The following ATP2B3 variants were observed in gnomAD, a reference collection of about 807,000 sequenced individuals.
ATP2B3 encodes the protein ATPase plasma membrane Ca2+ transporting 3.
A neutral mutation model predicts 70.8 loss-of-function variants in ATP2B3; 12 were observed. The ratio of observed to expected loss-of-function variants is 0.17; its 90% CI spans 0.11 to 0.27. The LOEUF (loss-of-function observed/expected upper bound fraction) is 0.27, where lower values mean the gene tolerates loss of function less well. Ranked by LOEUF, ATP2B3 falls within the 10% of genes least tolerant of loss-of-function variation. The pLI is 1.00. For synonymous variants in ATP2B3, 460 were observed against 497.8 expected (o/e 0.92, Z 1.01); for missense variants, 858 against 1,118.5 (o/e 0.77, Z 3.32).
intron 20 of ATP2B3, among the ~76,000 whole-genome samples, chrX:153,563,864 CTG>C (rs1557017193): frequency 8.9e-6 from 1 of 112,840 alleles, no homozygotes; most frequent in African/African-American, 3.2e-5. Flanking sequence ...AAGGGAATCT[CTG>C]TGAACCAGTC....
Position 153,580,466 on chromosome X carries a change from A to C in ATP2B3, c.*168A>C, listed in dbSNP as rs2090910465. On this transcript the variant is annotated 3_prime_UTR_variant, in exon 22 of 22. Coordinates refer to ENST00000263519, the MANE Select transcript of ATP2B3 (RefSeq NM_001001344.3). Reference sequence around the variant, plus strand: ...AGGGCATTTGCAAGGACCCAAATCCATTCAACAAGGGTGCAGCCTGCCACA... The same window carrying C: ...AGGGCATTTGCAAGGACCCAAATCCCTTCAACAAGGGTGCAGCCTGCCACA... 4 of 478,689 alleles carry C rather than the reference A, an allele frequency of 8.4e-6. No individual in the cohort carries two copies. The highest frequency in any genetic ancestry group is 1.4e-5 in the Non-Finnish European group (4 of 293,272). 39.4% of individuals were successfully genotyped at this position (478,689 alleles called of 1,213,427 possible). A position where few individuals can be genotyped will look rare whatever the true frequency, so the allele number is the denominator to read the frequency against.
Position 153,581,424 on chromosome X carries a change from T to A in ATP2B3, c.*1126T>A, listed in dbSNP as rs2090921314. On this transcript the variant is annotated 3_prime_UTR_variant, in exon 22 of 22. Coordinates refer to ENST00000263519, the MANE Select transcript of ATP2B3 (RefSeq NM_001001344.3). ...TCCTACTCCAATTCCACATCCTTCA[T>A]CCTGGCCATGCCCCCACCTTCAAGA... 8.9e-6 allele frequency: 1 copy of A among 112,816 alleles called. No homozygotes were observed. Among genetic ancestry groups the A allele is most frequent in the East Asian group, 2.8e-4 (1 of 3,590 alleles). 9.3% of individuals were successfully genotyped at this position (112,816 alleles called of 1,213,427 possible). A position where few individuals can be genotyped will look rare whatever the true frequency, so the allele number is the denominator to read the frequency against.
chrX:153,559,006 G>A (rs1241405638), intron 17 of ATP2B3, among the ~76,000 whole-genome samples: 1 of 106,835 alleles, frequency 9.4e-6, no homozygotes, highest in Non-Finnish European at 1.9e-5. Flanking sequence ...TAAATTGCCT[G>A]CTGATCAACT....
chrX:153,579,410 G>T (rs1186970748), intron 21 of ATP2B3, among the ~76,000 whole-genome samples: 1 of 112,920 alleles, frequency 8.9e-6, no homozygotes, highest in African/African-American at 3.2e-5. Flanking sequence ...ATGCGAGAAA[G>T]GCCGGCAGTG....
rs1224464353 is a variant in ATP2B3 at position 153,564,921 on chromosome X, G to A, written c.3160G>A (p.Val1054Ile). Residue 1054 changes from valine to isoleucine, a missense_variant and splice_region_variant, in exon 21 of 22, where the codon GTC (valine) becomes ATC (isoleucine). Transcript: ENST00000263519. ...GGCCACTTCCGTGTGGCTCCCCCAG[G>A]TCATTGCCACCATCCCCACCAGCCA... is the stretch of plus-strand genomic sequence containing the variant. ...VGVGELVWGQ[V>I]IATIPTSQLK... 3.4e-6 allele frequency: 4 copies of A among 1,182,697 alleles called. No homozygotes were observed. In the South Asian group the frequency reaches 5.6e-5, roughly 17 times the overall value.
rs782562326 is a variant in ATP2B3, at chrX:153,538,242, G to A, written c.208+1787G>A. Among the ~76,000 whole-genome samples the A allele has an allele frequency of 8.4e-3, 954 of 113,115 alleles. 4 individuals are homozygous for A. Among genetic ancestry groups the A allele is most frequent in the Non-Finnish European group, 0.012 (646 of 53,254 alleles). On this transcript the variant is annotated intron_variant, in intron 3 of 21. Coordinates refer to ENST00000263519, the MANE Select transcript of ATP2B3 (RefSeq NM_001001344.3). ...CCTCAGACACAAGGGCCTGAGCCAC[G>A]GGGGCAGCTGGCTTTGTTGTGCCCC...
At chrX:153,569,484 T>G in intron 21 of ATP2B3, 1 of 852,273 alleles carries the variant, frequency 1.2e-6, no homozygotes, top group Non-Finnish European at 1.7e-6. Context: ...GGTGACCCGA[T>G]GAGGCTTTGC....
chrX:153,518,718 T>C (rs1180951096), intron 2 of ATP2B3, among the ~76,000 whole-genome samples, 167 bp downstream of exon 2: 1 of 111,059 alleles, frequency 9.0e-6, no homozygotes, highest in Non-Finnish European at 1.9e-5. Flanking sequence ...GGAGGGAGTC[T>C]TGGAGAGCCC....
At chrX:153,550,978 T>C (rs2090448821) in intron 12 of ATP2B3, among the ~76,000 whole-genome samples, 1 of 112,087 alleles carries the variant, frequency 8.9e-6, no homozygotes, top group African/African-American at 3.3e-5. Flanking sequence ...CCTTCATCTG[T>C]CTACCAGCAC....
At chrX:153,559,971 C>T (rs781882815) in intron 18 of ATP2B3, 29 bp downstream of exon 18, 1 of 1,177,981 alleles carries the variant, frequency 8.5e-7, no homozygotes, top group Non-Finnish European at 1.2e-6. Context: ...CCCGGGAGGA[C>T]TTCAGGACAC....
intron 16 of ATP2B3, among the ~76,000 whole-genome samples, chrX:153,557,713 C>T (rs782407872): frequency 1.8e-5 from 2 of 111,719 alleles, no homozygotes; most frequent in South Asian, 3.8e-4. Flanking sequence ...GGAGCCGCCC[C>T]GCCCAGGGTG....
intron 18 of ATP2B3, among the ~76,000 whole-genome samples, 163 bp downstream of exon 18, chrX:153,560,105 CA>C (rs2090602797): frequency 8.9e-6 from 1 of 111,840 alleles, no homozygotes; most frequent in Non-Finnish European, 1.9e-5. Context: ...GCAGATGGGC[CA>C]GGCTAGCAAC....
intron 8 of ATP2B3, among the ~76,000 whole-genome samples, chrX:153,546,571 C>T (rs1208786194): frequency 8.8e-6 from 1 of 113,278 alleles, no homozygotes; most frequent in Non-Finnish European, 1.9e-5. Flanking sequence ...GGCCAGAGGC[C>T]CGGCTCTCCT....
At position 153,564,763 on chromosome X, in the gene ATP2B3, G is replaced by C. The variant is rs954132799; in HGVS notation, c.3160-158G>C. On this transcript the variant is annotated intron_variant, in intron 20 of 21. Coordinates refer to ENST00000263519, the MANE Select transcript of ATP2B3 (RefSeq NM_001001344.3). ...AGTTCTCCAAGGGCTGCCAGTTCCC[G>C]GGGGGACTGCTCTAGCTTTACTCCC... 2.6e-5 allele frequency among the ~76,000 whole-genome samples: 3 copies of C among 113,307 alleles called. No individual in the cohort carries two copies. The Admixed American group carries it at 2.8e-4, about 10-fold the overall frequency.
intron 3 of ATP2B3, among the ~76,000 whole-genome samples, chrX:153,539,111 T>C (rs1186647142): frequency 1.8e-5 from 2 of 111,893 alleles, no homozygotes; most frequent in African/African-American, 6.5e-5. Context: ...CTTAAGTCAC[T>C]TGGGGGGTCT....
chrX:153,538,205 C>A (rs192122228), intron 3 of ATP2B3, among the ~76,000 whole-genome samples: 120 of 113,156 alleles, frequency 1.1e-3, no homozygotes, highest in Middle Eastern at 4.6e-3. Flanking sequence ...GACCTGCCTG[C>A]CCCTCAGTCC....
chrX:153,523,108 A>G (rs1556998398), intron 2 of ATP2B3, among the ~76,000 whole-genome samples: 1 of 111,688 alleles, frequency 9.0e-6, no homozygotes, highest in African/African-American at 3.3e-5. Context: ...TCACATAAGC[A>G]TTTTCTTTAT....
At chrX:153,549,783 C>T in intron 11 of ATP2B3, 44 bp downstream of exon 11, 2 of 1,182,232 alleles carry the variant, frequency 1.7e-6, no homozygotes, top group Non-Finnish European at 2.3e-6. Context: ...GGGGCAGGAG[C>T]AGGGGAGGGT....
Position 153,548,874 on chromosome X carries a change from T to C in ATP2B3, c.1338+20T>C, listed in dbSNP as rs781960034. The C allele has an allele frequency of 1.5e-5, 18 of 1,190,475 alleles. No individual in the cohort carries two copies. Among genetic ancestry groups the C allele is most frequent in the Non-Finnish European group, 1.8e-5 (16 of 879,325 alleles). On this transcript the variant is annotated intron_variant, in intron 10 of 21. Transcript: ENST00000263519. Reference sequence around the variant, plus strand: ...GTCAAGGTAATCATAAAACTTACAGTTGATACTGTTTACAGACTCGGAAAC... The same window carrying C: ...GTCAAGGTAATCATAAAACTTACAGCTGATACTGTTTACAGACTCGGAAAC...
Sources: gnomAD v4.1 joint callset for allele counts (sites outside exome capture counted in the v4.1 genomes callset) on GRCh38, gnomAD v4.1.1 for gene constraint, MANE v1.5 for transcripts, NCBI Gene and HGNC (gene_info 2026-07-23, HGNC 2026-07-21) for gene names.